Variants in SEMA5A observed in about 807,000 individuals in gnomAD.
SEMA5A encodes semaphorin-5A.
In SEMA5A, 55 loss-of-function variants were observed where a neutral mutation model predicts 135.5. The observed-to-expected ratio is 0.41, with a 90% CI of 0.33 to 0.51. The LOEUF is 0.51. Ranked by LOEUF, SEMA5A falls within the 20% of genes least tolerant of loss-of-function variation. The pLI is 0.37. For missense variants in SEMA5A, 1,290 were observed against 1,419.9 expected (o/e 0.91, Z 1.47); for synonymous variants, 580 against 546.5 (o/e 1.06, Z -0.85).
chr5:9,425,135 A>G (rs903163121), intron 2 of SEMA5A, among the ~76,000 whole-genome samples: 1 of 152,050 alleles, frequency 6.6e-6, no homozygotes, highest in African/African-American at 2.4e-5. Context: ...CCCTTTCCCC[A>G]CTACACACAA....
chr5:9,178,696 T>G (rs1016748803), intron 11 of SEMA5A, among the ~76,000 whole-genome samples: 1 of 152,212 alleles, frequency 6.6e-6, no homozygotes, highest in Admixed American at 6.5e-5. Context: ...TTGGTAATGA[T>G]TGTAAAATAT....
At chr5:9,282,132 G>A (rs1023180902) in intron 5 of SEMA5A, among the ~76,000 whole-genome samples, 2 of 152,092 alleles carry the variant, frequency 1.3e-5, no homozygotes, top group Non-Finnish European at 1.5e-5. Flanking sequence ...TAAGTAAAGC[G>A]AGAGACAGTT....
chr5:9,452,925 G>A lies in SEMA5A; in HGVS notation c.-174-15073C>T, dbSNP rs145634879. On this transcript the variant is annotated intron_variant, in intron 1 of 22. Transcript: ENST00000382496. ...CCAGGAAGAAGGACTACTCTGAGAG[G>A]TGCCTCAGAGGGAAAAGCCTGTCAA... Among the ~76,000 whole-genome samples, 472 of 152,240 alleles carry A rather than the reference G, an allele frequency of 3.1e-3. 4 individuals are homozygous for A. Among genetic ancestry groups the A allele is most frequent in the African/African-American group, 0.011 (451 of 41,542 alleles).
intron 1 of SEMA5A, among the ~76,000 whole-genome samples, chr5:9,460,920 G>A (rs1422646448): frequency 2.0e-5 from 3 of 152,106 alleles, no homozygotes; most frequent in Non-Finnish European, 4.4e-5. Context: ...TATCTATTTT[G>A]TTATTTTTAT....
intron 12 of SEMA5A, among the ~76,000 whole-genome samples, chr5:9,142,495 C>T (rs551702283): frequency 8.8e-4 from 134 of 152,292 alleles, no homozygotes; most frequent in Non-Finnish European, 1.6e-3. Context: ...AAATACTGTG[C>T]AAGAGCCACA....
chr5:9,333,109 CA>C (rs766960385), intron 4 of SEMA5A, among the ~76,000 whole-genome samples: 1 of 152,078 alleles, frequency 6.6e-6, no homozygotes, highest in Non-Finnish European at 1.5e-5. Context: ...GACCAAGAAA[CA>C]CATTTAAAAA....
intron 10 of SEMA5A, among the ~76,000 whole-genome samples, chr5:9,193,444 TA>T (rs1423453193): frequency 6.6e-6 from 1 of 152,218 alleles, no homozygotes; most frequent in Non-Finnish European, 1.5e-5. Context: ...TGATAATAAA[TA>T]TTTGCACTTT....
chr5:9,247,650 T>C (rs1426307288), intron 5 of SEMA5A, among the ~76,000 whole-genome samples: 2 of 152,170 alleles, frequency 1.3e-5, no homozygotes, highest in Non-Finnish European at 2.9e-5. Flanking sequence ...CAACAAAGAT[T>C]GACTTTACTT....
At chr5:9,431,692 C>G (rs183327463) in intron 2 of SEMA5A, among the ~76,000 whole-genome samples, 1 of 152,068 alleles carries the variant, frequency 6.6e-6, no homozygotes, top group African/African-American at 2.4e-5. Context: ...CGTTTTTATG[C>G]CCTCAGGAAA....
chr5:9,365,567 G>A (rs1754880697), intron 3 of SEMA5A, among the ~76,000 whole-genome samples: 1 of 152,090 alleles, frequency 6.6e-6, no homozygotes, highest in Non-Finnish European at 1.5e-5. Context: ...TTTAAATAGT[G>A]TACCCAAGAT....
intron 16 of SEMA5A, among the ~76,000 whole-genome samples, chr5:9,107,789 C>A (rs1740003537): frequency 6.6e-6 from 1 of 152,096 alleles, no homozygotes; most frequent in Admixed American, 6.5e-5. Flanking sequence ...TGCAGAACAT[C>A]TAGTGTCTGC....
intron 1 of SEMA5A, among the ~76,000 whole-genome samples, chr5:9,490,540 T>C (rs774820657): frequency 3.3e-5 from 5 of 152,208 alleles, no homozygotes; most frequent in Non-Finnish European, 7.3e-5. Flanking sequence ...CTAAAGCAGA[T>C]GTATAATAAA....
In SEMA5A at chr5:9,108,401, G is replaced by A. The variant is rs959582984; in HGVS notation, c.1926-114C>T. 6.4e-6 allele frequency: 8 copies of A among 1,240,704 alleles called. No individual in the cohort carries two copies. The Admixed American group carries it at 1.1e-4, about 16-fold the overall frequency. The allele number at this position is 1,240,704 out of a possible 1,614,324, so 76.9% of individuals were successfully genotyped here. On this transcript the variant is annotated intron_variant, in intron 15 of 22. Coordinates refer to ENST00000382496, the MANE Select transcript of SEMA5A (RefSeq NM_003966.3). Reference sequence around the variant, plus strand: ...TGAACACATGGGCATGCTCTGCGTGGAGGAGCTTTTTGTATTTTGAGCAGT... The same window carrying A: ...TGAACACATGGGCATGCTCTGCGTGAAGGAGCTTTTTGTATTTTGAGCAGT...
At chr5:9,308,946 T>G (rs1238878861) in intron 5 of SEMA5A, among the ~76,000 whole-genome samples, 3 of 152,200 alleles carry the variant, frequency 2.0e-5, no homozygotes, top group Admixed American at 2.0e-4. Flanking sequence ...CATGATTTCA[T>G]GACAAATTAG....
chr5:9,483,965 G>T (rs1759980389), intron 1 of SEMA5A, among the ~76,000 whole-genome samples: 1 of 152,140 alleles, frequency 6.6e-6, no homozygotes, highest in African/African-American at 2.4e-5. Flanking sequence ...CAGACAGGAA[G>T]TAACAGAACT....
At chr5:9,054,418 C>T (rs949954591) in intron 18 of SEMA5A, among the ~76,000 whole-genome samples, 161 bp from the exon 19 acceptor site, 39 of 152,112 alleles carry the variant, frequency 2.6e-4, no homozygotes, top group African/African-American at 8.7e-4. Context: ...AGCAACAAGG[C>T]TTCTGACCCC....
chr5:9,455,020 CA>C (rs760012853), intron 1 of SEMA5A, among the ~76,000 whole-genome samples: 4 of 151,982 alleles, frequency 2.6e-5, no homozygotes, highest in Non-Finnish European at 5.9e-5. Context: ...TGGTAGTCTC[CA>C]AAAATGGATT....
chr5:9,044,278 A>G (rs1354683958), intron 22 of SEMA5A, 95 bp downstream of exon 22: 1 of 1,090,336 alleles, frequency 9.2e-7, no homozygotes, highest in Non-Finnish European at 1.4e-6. Flanking sequence ...TTCAGTTTCA[A>G]AGGAAACCAC....
At chr5:9,440,614 G>T (rs761444614) in intron 1 of SEMA5A, among the ~76,000 whole-genome samples, 1 of 152,146 alleles carries the variant, frequency 6.6e-6, no homozygotes, top group Non-Finnish European at 1.5e-5. Context: ...TTTCCCAGAA[G>T]TTTTGCCCTG....
Sources: gnomAD v4.1 joint callset for allele counts (sites outside exome capture counted in the v4.1 genomes callset) on GRCh38, gnomAD v4.1.1 for gene constraint, MANE v1.5 for transcripts, NCBI Gene and HGNC (gene_info 2026-07-23, HGNC 2026-07-21) for gene names.